Variants in TMBIM6 observed in about 807,000 individuals in gnomAD.
The protein encoded by TMBIM6 is transmembrane BAX inhibitor motif containing 6.
TMBIM6 carries 13 observed loss-of-function variants against 31.4 expected under a neutral mutation model. The ratio of observed to expected loss-of-function variants is 0.41; its 90% CI spans 0.27 to 0.66. The LOEUF (loss-of-function observed/expected upper bound fraction) is 0.66. Ranked by LOEUF, TMBIM6 falls within the 30% of genes least tolerant of loss-of-function variation. The pLI is 0.28. For missense variants in TMBIM6, 275 were observed against 289.5 expected (o/e 0.95, Z 0.36); for synonymous variants, 85 against 101.7 (o/e 0.84, Z 0.99).
intron 1 of TMBIM6, chr12:49,742,752 T>G (rs984603937): frequency 7.2e-5 from 11 of 153,058 alleles, no homozygotes; most frequent in African/African-American, 2.4e-4. Flanking sequence ...TATACACACT[T>G]TTTTCTGTAA....
chr12:49,758,047 AC>A (rs1460025883), intron 4 of TMBIM6, among the ~76,000 whole-genome samples, 179 bp from the exon 5 acceptor site: 1 of 152,130 alleles, frequency 6.6e-6, no homozygotes, highest in African/African-American at 2.4e-5. Flanking sequence ...AAAAAAAAAA[AC>A]AACGCAGTCA....
At chr12:49,762,797 TA>T in intron 9 of TMBIM6, 75 bp from the exon 10 acceptor site, 1 of 1,407,834 alleles carries the variant, frequency 7.1e-7, no homozygotes. Flanking sequence ...AGTCCCTAAC[TA>T]AATGCTCACT....
chr12:49,747,699 C>T (rs947463941), intron 1 of TMBIM6, among the ~76,000 whole-genome samples: 3 of 152,018 alleles, frequency 2.0e-5, no homozygotes, highest in Non-Finnish European at 2.9e-5. Flanking sequence ...ATTAAATGTG[C>T]GAACAGTGTT....
At chr12:49,742,258 T>C (rs769783484) in intron 1 of TMBIM6, 3 of 1,607,230 alleles carry the variant, frequency 1.9e-6, no homozygotes, top group Non-Finnish European at 2.5e-6. Context: ...CCCGCTCTTT[T>C]CGGATTGGTT....
intron 9 of TMBIM6, 53 bp downstream of exon 9, chr12:49,761,832 A>AT: frequency 6.4e-7 from 1 of 1,569,496 alleles, no homozygotes. Context: ...TGAGCTTGGC[A>AT]TGTGTGTATA....
At chr12:49,741,653 T>G in intron 1 of TMBIM6, 42 bp downstream of exon 1, 1 of 170,860 alleles carries the variant, frequency 5.9e-6, no homozygotes, top group Non-Finnish European at 1.3e-5. Context: ...GAGTGAGAAA[T>G]GGAAAGGGAG....
chr12:49,759,105 G>A (rs1945663539), intron 7 of TMBIM6, 116 bp from the exon 8 acceptor site: 2 of 884,818 alleles, frequency 2.3e-6, no homozygotes, highest in South Asian at 1.5e-5. Flanking sequence ...GAATGGTAAT[G>A]TTCATAGGGT....
chr12:49,748,787 G>T (rs1945441380), intron 1 of TMBIM6, among the ~76,000 whole-genome samples: 1 of 152,170 alleles, frequency 6.6e-6, no homozygotes, highest in Non-Finnish European at 1.5e-5. Context: ...GAATTAGTAA[G>T]TAATAGGCTT....
chr12:49,752,478 C>G lies in TMBIM6; in HGVS notation c.-16C>G. On this transcript the variant is annotated 5_prime_UTR_variant, in exon 2 of 10. Transcript: ENST00000267115. ...TTATTCTGCAGAGTGGAGACTGCTG[C>G]ACGGACTCTGGAACCATGAACATAT... 1 of 1,612,920 alleles carries G rather than the reference C, an allele frequency of 6.2e-7. No homozygotes were observed. The highest frequency in any genetic ancestry group is 2.2e-5 in the East Asian group (1 of 44,834).
intron 8 of TMBIM6, 53 bp from the exon 9 acceptor site, chr12:49,761,651 T>C (rs17123943): frequency 0.022 from 35,000 of 1,566,568 alleles, 578 homozygotes; most frequent in African/African-American, 0.07. Flanking sequence ...CTTTGTGGGC[T>C]TGTGGATAAA....
intron 1 of TMBIM6, chr12:49,742,396 A>G (rs1335996242): frequency 3.7e-6 from 5 of 1,356,378 alleles, no homozygotes; most frequent in African/African-American, 3.0e-5. Flanking sequence ...GACCTGTGGT[A>G]ACAAGTAGGC....
intron 1 of TMBIM6, among the ~76,000 whole-genome samples, chr12:49,751,858 G>A (rs1390921914): frequency 6.7e-6 from 1 of 148,924 alleles, no homozygotes; most frequent in South Asian, 2.1e-4. Context: ...TGCCTCCCAG[G>A]TTCAAGCAAT....
intron 1 of TMBIM6, among the ~76,000 whole-genome samples, chr12:49,744,192 A>C (rs1032295126): frequency 2.0e-5 from 3 of 152,210 alleles, no homozygotes; most frequent in Non-Finnish European, 4.4e-5. Flanking sequence ...AAAAGTTATA[A>C]ATTTTATATA....
At chr12:49,760,307 G>T (rs1364188155) in intron 8 of TMBIM6, among the ~76,000 whole-genome samples, 2 of 152,040 alleles carry the variant, frequency 1.3e-5, no homozygotes, top group Non-Finnish European at 2.9e-5. Context: ...CAGTAGTGTG[G>T]TGCCATGAAC....
intron 1 of TMBIM6, chr12:49,743,613 TATAG>T (rs1945339471): frequency 6.6e-6 from 1 of 152,198 alleles, no homozygotes. Context: ...TTTCCCTGAT[TATAG>T]ATATAGTTCG....
At chr12:49,754,939 G>GT (rs1349528832) in intron 3 of TMBIM6, among the ~76,000 whole-genome samples, 1 of 152,052 alleles carries the variant, frequency 6.6e-6, no homozygotes, top group Non-Finnish European at 1.5e-5. Context: ...GTGTTTTGGT[G>GT]TTTGGGGGTT....
intron 8 of TMBIM6, among the ~76,000 whole-genome samples, chr12:49,759,894 C>G (rs112238949): frequency 1.3e-5 from 2 of 150,948 alleles, no homozygotes; most frequent in Non-Finnish European, 2.9e-5. Context: ...AGGCGGATCA[C>G]GAGGTCAGGA....
At chr12:49,761,988 G>A (rs540580185) in intron 9 of TMBIM6, 9 of 523,504 alleles carry the variant, frequency 1.7e-5, no homozygotes, top group East Asian at 6.4e-5. Context: ...TAATTCCTGC[G>A]TTTAGTATGA....
chr12:49,756,175 C>T (rs1198490000), intron 4 of TMBIM6, among the ~76,000 whole-genome samples: 1 of 151,212 alleles, frequency 6.6e-6, no homozygotes, highest in South Asian at 2.1e-4. Flanking sequence ...CGTCTGTCAC[C>T]CAGGCTAGAG....
Sources: allele counts gnomAD v4.1 joint callset (sites outside exome capture counted in the v4.1 genomes callset), GRCh38; gene constraint gnomAD v4.1.1; transcripts MANE v1.5; gene names NCBI Gene and HGNC (gene_info 2026-07-23, HGNC 2026-07-21).